ABLIM3: variants seen among roughly 807,000 people sequenced by gnomAD.
ABLIM3 encodes the protein actin-binding LIM protein 3.
Under a neutral mutation model 109.5 loss-of-function variants are expected in ABLIM3, and 61 were observed. That is an observed-to-expected ratio of 0.56 (90% CI 0.45 to 0.69). The LOEUF (loss-of-function observed/expected upper bound fraction) is 0.69, where lower values mean the gene tolerates loss of function less well. ABLIM3 is among the 30% of genes least tolerant of loss of function. The pLI, the probability that ABLIM3 is intolerant of heterozygous loss-of-function variation, is 0.00. For synonymous variants in ABLIM3, 300 were observed against 324.8 expected, an observed-to-expected ratio of 0.92 and a Z score of 0.82; for missense variants, 796 against 889.5, an observed-to-expected ratio of 0.89 and a Z score of 1.34.
In ABLIM3 at chr5:149,242,511, C is replaced by A; in HGVS notation, c.1324C>A (p.Arg442=). ...GGCAGCTGGAGACAGTAACATCTAC[C>A]GGAAACCCCCGATCTACAAACGGCA... The part of the protein sequence containing the change: ...HIPAGDSNIY[R]KPPIYKRHGD... The change falls in exon 15 of 24, where the codon CGG becomes AGG. Residue 442 remains arginine (R), a synonymous_variant. Coordinates refer to ENST00000309868, the MANE Select transcript of ABLIM3 (RefSeq NM_014945.5). The A allele has an allele frequency of 6.2e-7, 1 of 1,614,062 alleles. No individual in the cohort carries two copies. The highest frequency in any genetic ancestry group is 8.5e-7 in the Non-Finnish European group (1 of 1,180,012).
chr5:149,258,971 C>T lies in ABLIM3; in HGVS notation c.*567C>T, dbSNP rs571955731. Reference sequence around the variant, plus strand: ...CCTCAAATCTAGTCATTACACCAGTCAACAGAAGTGGACAGGGCCTAGGCC... The same window carrying T: ...CCTCAAATCTAGTCATTACACCAGTTAACAGAAGTGGACAGGGCCTAGGCC... On this transcript the variant is annotated 3_prime_UTR_variant, in exon 24 of 24. Transcript: ENST00000309868. 18 of 991,468 alleles carry T rather than the reference C, an allele frequency of 1.8e-5. No homozygotes were observed. The South Asian group carries it at 6.9e-4, about 38-fold the overall frequency. The allele number at this position is 991,468 out of a possible 1,614,324, so 61.4% of individuals were successfully genotyped here.
intron 5 of ABLIM3, among the ~76,000 whole-genome samples, chr5:149,203,169 C>T (rs1004125136): frequency 2.6e-5 from 4 of 151,978 alleles, no homozygotes; most frequent in Admixed American, 6.6e-5. Flanking sequence ...CTATCATCAT[C>T]ACCACAATCA....
chr5:149,234,481 C>T (rs139411502), intron 10 of ABLIM3, among the ~76,000 whole-genome samples: 40 of 152,308 alleles, frequency 2.6e-4, no homozygotes, highest in African/African-American at 8.2e-4. Context: ...ACTTCAAATC[C>T]ACATCCAGTC....
intron 2 of ABLIM3, among the ~76,000 whole-genome samples, chr5:149,158,408 T>C (rs1039171222): frequency 2.0e-5 from 3 of 152,168 alleles, no homozygotes; most frequent in Non-Finnish European, 4.4e-5. Context: ...AATGTAATAC[T>C]AATATACAGA....
intron 2 of ABLIM3, 83 bp from the exon 3 acceptor site, chr5:149,183,369 A>G: frequency 2.1e-6 from 3 of 1,413,900 alleles, no homozygotes; most frequent in South Asian, 1.6e-5. Flanking sequence ...TTTTTCTTCC[A>G]GCTACAATTA....
At chr5:149,169,231 C>CTA (rs1755143505) in intron 2 of ABLIM3, among the ~76,000 whole-genome samples, 1 of 152,184 alleles carries the variant, frequency 6.6e-6, no homozygotes, top group Non-Finnish European at 1.5e-5. Flanking sequence ...CTTGAACAAT[C>CTA]TAAACACATT....
chr5:149,161,073 C>T (rs1432725429), intron 2 of ABLIM3, among the ~76,000 whole-genome samples: 1 of 152,160 alleles, frequency 6.6e-6, no homozygotes, highest in Non-Finnish European at 1.5e-5. Context: ...ATGTGGCTGC[C>T]CTCACCCAGG....
In ABLIM3 at chr5:149,259,005, G is replaced by T; in HGVS notation, c.*601G>T. On this transcript the variant is annotated 3_prime_UTR_variant, in exon 24 of 24. Coordinates refer to ENST00000309868, the MANE Select transcript of ABLIM3 (RefSeq NM_014945.5). The stretch of plus-strand genomic sequence containing the variant: ...TGGACAGGGCCTAGGCCTCTCCTCA[G>T]CTCCTTAACCCTCCTCCTTCTGCCC... The T allele has an allele frequency of 1.0e-6, 1 of 998,186 alleles. No individual in the cohort carries two copies. Among genetic ancestry groups the T allele is most frequent in the Non-Finnish European group, 1.2e-6 (1 of 837,518 alleles). 61.8% of individuals were successfully genotyped at this position (998,186 alleles called of 1,614,324 possible).
chr5:149,213,657 C>T (rs552278084), intron 7 of ABLIM3, among the ~76,000 whole-genome samples: 1 of 152,276 alleles, frequency 6.6e-6, no homozygotes, highest in South Asian at 2.1e-4. Flanking sequence ...TCAGCATTTC[C>T]AAGCTGCTTT....
chr5:149,174,091 G>A lies in ABLIM3; in HGVS notation c.14-9361G>A, dbSNP rs370379837. Reference sequence around the variant, plus strand: ...CTGCAAGGATGTAAAAACAAACACCGGGCCATCCAAATAAAGTGTGTCTGG... The same window carrying A: ...CTGCAAGGATGTAAAAACAAACACCAGGCCATCCAAATAAAGTGTGTCTGG... On this transcript the variant is annotated intron_variant, in intron 2 of 23. Transcript: ENST00000309868. Among the ~76,000 whole-genome samples the A allele has an allele frequency of 6.6e-5, 10 of 150,814 alleles. No homozygotes were observed. The East Asian group carries it at 1.2e-3, about 18-fold the overall frequency.
intron 8 of ABLIM3, chr5:149,220,212 C>T (rs1307138258): frequency 2.0e-5 from 3 of 152,210 alleles, no homozygotes; most frequent in African/African-American, 7.2e-5. Flanking sequence ...CAGTCAAAGG[C>T]CCTGCCCTCA....
chr5:149,183,544 C>T lies in ABLIM3; in HGVS notation c.106C>T (p.Arg36Cys), dbSNP rs768491172. The change falls in exon 3 of 24, where the codon CGC becomes TGC. Residue 36 changes from arginine to cysteine, a missense_variant. Physicochemically the swap from Arg to Cys is radical, Grantham distance 180. Transcript: ENST00000309868. The stretch of plus-strand genomic sequence containing the variant: ...AGACACCTGCAAAGGGGAAGTGGTC[C>T]GCGTGCACAACAACCACTTCCACAT... ...CGDTCKGEVV[R>C]VHNNHFHIRC... is the part of the protein sequence containing the mutation. The T allele has an allele frequency of 8.2e-6, 13 of 1,593,808 alleles. No homozygotes were observed. Among genetic ancestry groups the T allele is most frequent in the Admixed American group, 1.8e-5 (1 of 56,848 alleles).
chr5:149,193,981 G>C (rs1422043753), intron 3 of ABLIM3, among the ~76,000 whole-genome samples: 1 of 152,100 alleles, frequency 6.6e-6, no homozygotes, highest in Admixed American at 6.6e-5. Context: ...ATTTTTAGAA[G>C]ACAATATAGG....
In ABLIM3 at chr5:149,210,790, G is replaced by A. The variant is rs865974980; in HGVS notation, c.640G>A (p.Asp214Asn). Residue 214 changes from aspartate (D) to asparagine (N), a missense_variant, in exon 7 of 24, where the codon GAC (aspartate) becomes AAC (asparagine). Physicochemically the swap from Asp to Asn is conservative, Grantham distance 23. Transcript: ENST00000309868. ...AQFGIKCETC[D>N]RYISGRVLEA... ...GTTTGGCATTAAATGTGAGACTTGT[G>A]ACCGATACATCAGTGGCAGAGTCTT... 6.2e-7 allele frequency: 1 copy of A among 1,613,992 alleles called. No individual in the cohort carries two copies. The highest frequency in any genetic ancestry group is 1.3e-5 in the African/African-American group (1 of 74,902).
intron 5 of ABLIM3, among the ~76,000 whole-genome samples, chr5:149,202,976 C>A (rs1232646224): frequency 1.3e-5 from 2 of 151,980 alleles, no homozygotes; most frequent in Non-Finnish European, 2.9e-5. Flanking sequence ...ACCACCACCG[C>A]CATCACCATC....
At chr5:149,185,619 G>GA (rs1329839184) in intron 3 of ABLIM3, among the ~76,000 whole-genome samples, 1 of 152,000 alleles carries the variant, frequency 6.6e-6, no homozygotes, top group South Asian at 2.1e-4. Flanking sequence ...ATTTTAAGGG[G>GA]AAAAAAATAG....
chr5:149,198,222 G>GGCC lies in ABLIM3; in HGVS notation c.155_156insGCC (p.Cys52delinsTrpPro). ...GTTTTCCTCCTTGTTCCCCAAGTATGTGGCTGTGGCCTGGCCCAGTCAGGC... is the reference window on the plus strand; with the variant it reads ...GTTTTCCTCCTTGTTCCCCAAGTATGGCCTGGCTGTGGCCTGGCCCAGTCAGGC... On this transcript the variant is annotated protein_altering_variant, in exon 4 of 24. Coordinates refer to ENST00000309868, the MANE Select transcript of ABLIM3 (RefSeq NM_014945.5). The surrounding 1 kb of genome is among the most constrained non-coding windows in gnomAD (Gnocchi z 4.2). The GGCC allele has an allele frequency of 6.2e-7, 1 of 1,611,116 alleles. No individual in the cohort carries two copies. Among genetic ancestry groups the GGCC allele is most frequent in the Non-Finnish European group, 8.5e-7 (1 of 1,178,570 alleles).
intron 2 of ABLIM3, chr5:149,177,021 C>G (rs1400322827): frequency 6.6e-6 from 1 of 152,232 alleles, no homozygotes; most frequent in African/African-American, 2.4e-5. Context: ...CTCTGGGTCT[C>G]AGCTTTCTCA....
intron 2 of ABLIM3, among the ~76,000 whole-genome samples, chr5:149,181,301 T>C (rs763997374): frequency 7.3e-6 from 1 of 137,790 alleles, no homozygotes; most frequent in African/African-American, 2.7e-5. Context: ...TTCTGGGGGG[T>C]GGGGAAGGAT....
Sources: allele counts gnomAD v4.1 joint callset (sites outside exome capture counted in the v4.1 genomes callset), GRCh38; gene constraint gnomAD v4.1.1; non-coding constraint Gnocchi (gnomAD v3.1); transcripts MANE v1.5; gene names NCBI Gene and HGNC (gene_info 2026-07-23, HGNC 2026-07-21).